LSAMP: variants seen among roughly 807,000 people sequenced by gnomAD.
LSAMP encodes the protein limbic system-associated membrane protein.
Under a neutral mutation model 38.6 loss-of-function variants are expected in LSAMP, and 7 were observed. The ratio of observed to expected loss-of-function variants is 0.18; its 90% CI spans 0.10 to 0.34. The LOEUF (loss-of-function observed/expected upper bound fraction) is 0.34, where lower values mean the gene tolerates loss of function less well. Among genes scored for constraint, LSAMP ranks in the 10% least tolerant of loss-of-function variants. LSAMP has a pLI of 1.00. For synonymous variants in LSAMP, 154 were observed against 166.8 expected (o/e 0.92, Z 0.59); for missense variants, 313 against 420.0 (o/e 0.75, Z 2.23).
intron 3 of LSAMP, among the ~76,000 whole-genome samples, chr3:115,961,519 A>G (rs1938625159): frequency 6.6e-6 from 1 of 152,234 alleles, no homozygotes; most frequent in African/African-American, 2.4e-5. Context: ...TGTCACCACT[A>G]GGGAAGCTGA....
chr3:116,309,168 G>T (rs2047523779), intron 1 of LSAMP, among the ~76,000 whole-genome samples: 1 of 152,000 alleles, frequency 6.6e-6, no homozygotes, highest in Non-Finnish European at 1.5e-5. Flanking sequence ...GCATCAATTA[G>T]CAATTACATT....
chr3:116,152,164 T>C (rs1709627922), intron 1 of LSAMP, among the ~76,000 whole-genome samples: 1 of 152,108 alleles, frequency 6.6e-6, no homozygotes, highest in South Asian at 2.1e-4. Context: ...CTTTAAACGT[T>C]GTAAATGCCA....
chr3:116,422,993 C>T (rs2107858293), intron 1 of LSAMP, among the ~76,000 whole-genome samples: 1 of 152,238 alleles, frequency 6.6e-6, no homozygotes, highest in Admixed American at 6.5e-5. Flanking sequence ...AGAATGTAAG[C>T]CCCGTGAGAG....
chr3:115,923,206 A>T (rs1271948284), intron 3 of LSAMP, among the ~76,000 whole-genome samples: 1 of 152,210 alleles, frequency 6.6e-6, no homozygotes, highest in African/African-American at 2.4e-5. Flanking sequence ...GACAGAAACC[A>T]ATCATTTGGG....
At chr3:116,105,390 C>T (rs1708440788) in intron 1 of LSAMP, among the ~76,000 whole-genome samples, 1 of 152,174 alleles carries the variant, frequency 6.6e-6, no homozygotes, top group South Asian at 2.1e-4. Context: ...GACCACCAAA[C>T]AGGCTTTGTG....
intron 1 of LSAMP, among the ~76,000 whole-genome samples, chr3:116,371,938 T>A (rs1471250107): frequency 6.6e-6 from 1 of 151,810 alleles, no homozygotes; most frequent in Non-Finnish European, 1.5e-5. Context: ...TATGAAAGCA[T>A]CAAAAACAAC....
At chr3:116,329,172 A>G (rs2047815884) in intron 1 of LSAMP, among the ~76,000 whole-genome samples, 1 of 152,168 alleles carries the variant, frequency 6.6e-6, no homozygotes, top group South Asian at 2.1e-4. Context: ...GAGCTTTAAT[A>G]AGCTCTGTGC....
chr3:115,959,625 G>T (rs2107591697), intron 3 of LSAMP, among the ~76,000 whole-genome samples: 1 of 152,214 alleles, frequency 6.6e-6, no homozygotes, highest in South Asian at 2.1e-4. Flanking sequence ...CAGATAACCT[G>T]CTTAGCCTCC....
intron 1 of LSAMP, among the ~76,000 whole-genome samples, chr3:116,382,490 AC>A (rs2048573199): frequency 8.1e-6 from 1 of 123,252 alleles, no homozygotes; most frequent in South Asian, 3.0e-4. Context: ...AACATCACAC[AC>A]CGGGGCCTGT....
intron 3 of LSAMP, among the ~76,000 whole-genome samples, chr3:115,885,286 G>A (rs1936423333): frequency 6.6e-6 from 1 of 151,902 alleles, no homozygotes; most frequent in Admixed American, 6.6e-5. Flanking sequence ...CACAACAGAA[G>A]CTATTTTGTG....
chr3:116,227,338 C>A (rs1176153829), intron 1 of LSAMP, among the ~76,000 whole-genome samples: 3 of 152,270 alleles, frequency 2.0e-5, no homozygotes, highest in South Asian at 2.1e-4. Context: ...CCCATCATAG[C>A]ACTAATTATA....
chr3:116,388,904 C>T (rs1198871001), intron 1 of LSAMP, among the ~76,000 whole-genome samples: 2 of 151,990 alleles, frequency 1.3e-5, no homozygotes, highest in East Asian at 1.9e-4. Context: ...ACAACAAAAA[C>T]GACAAGAACA....
chr3:115,860,782 AAGT>A (rs1206489193), intron 3 of LSAMP, among the ~76,000 whole-genome samples: 7 of 152,190 alleles, frequency 4.6e-5, no homozygotes, highest in African/African-American at 1.7e-4. Flanking sequence ...TGGGAGAAAT[AAGT>A]TTTCAGGAAC....
At chr3:116,113,722 G>T (rs1212893154) in intron 1 of LSAMP, among the ~76,000 whole-genome samples, 2 of 151,988 alleles carry the variant, frequency 1.3e-5, no homozygotes, top group African/African-American at 2.4e-5. Context: ...ACCGCGCCCG[G>T]CCCTTTGCCC....
Position 116,320,428 on chromosome 3 carries a change from T to C in LSAMP, c.155+124449A>G, listed in dbSNP as rs148397909. Among the ~76,000 whole-genome samples, 387 of 151,208 alleles carry C rather than the reference T, an allele frequency of 2.6e-3. 3 individuals carry two copies. The highest frequency in any genetic ancestry group is 9.1e-3 in the African/African-American group (374 of 41,232). ...GCTCTGTCTCAGAAAATAATAATAG[T>C]AATAATAATAATAATAATACCAGTT... On this transcript the variant is annotated intron_variant, in intron 1 of 6. Transcript: ENST00000490035.
intron 1 of LSAMP, among the ~76,000 whole-genome samples, chr3:116,216,340 A>G (rs1213403304): frequency 6.6e-6 from 1 of 152,160 alleles, no homozygotes; most frequent in East Asian, 1.9e-4. Flanking sequence ...TTTAGGTGCC[A>G]GAATTGAACA....
At chr3:115,904,134 A>C (rs931596046) in intron 3 of LSAMP, among the ~76,000 whole-genome samples, 2 of 152,142 alleles carry the variant, frequency 1.3e-5, no homozygotes, top group African/African-American at 2.4e-5. Context: ...GCAACAAATA[A>C]AGATAGGAAT....
At chr3:115,926,199 AC>A (rs1937495404) in intron 3 of LSAMP, among the ~76,000 whole-genome samples, 1 of 152,316 alleles carries the variant, frequency 6.6e-6, no homozygotes, top group African/African-American at 2.4e-5. Context: ...CACTTAAAGA[AC>A]AGTCTGGACA....
intron 3 of LSAMP, among the ~76,000 whole-genome samples, chr3:115,862,282 A>C (rs1167718882): frequency 6.6e-6 from 1 of 152,216 alleles, no homozygotes; most frequent in Non-Finnish European, 1.5e-5. Flanking sequence ...GAGTCACATA[A>C]ATCAATTGGC....
Sources: gnomAD v4.1 joint callset for allele counts (sites outside exome capture counted in the v4.1 genomes callset) on GRCh38, gnomAD v4.1.1 for gene constraint, MANE v1.5 for transcripts, NCBI Gene and HGNC (gene_info 2026-07-23, HGNC 2026-07-21) for gene names.